The following ARRDC5 variants were observed in gnomAD, a reference collection of about 807,000 sequenced individuals.
ARRDC5 encodes the protein arrestin domain containing 5, also known as arrestin domain-containing protein 5.
A neutral mutation model predicts 13.3 loss-of-function variants in ARRDC5; 12 were observed. The observed-to-expected ratio is 0.90, with a 90% CI of 0.58 to 1.46. The LOEUF is 1.46. ARRDC5 is among the 40% of genes most tolerant of loss of function. The pLI is 0.00. For missense variants in ARRDC5, 406 were observed against 418.7 expected (o/e 0.97, Z 0.26); for synonymous variants, 181 against 173.4 (o/e 1.04, Z -0.34).
chr19:4,906,516 A>C (rs967697240), upstream of ARRDC5, among the ~76,000 whole-genome samples: 3 of 152,114 alleles, frequency 2.0e-5, no homozygotes, highest in Non-Finnish European at 4.4e-5. Flanking sequence ...CACTTTGGGA[A>C]GTCCAGGCGG....
At chr19:4,907,632 C>T (rs140092250), upstream of ARRDC5, among the ~76,000 whole-genome samples, 3 of 145,632 alleles carry the variant, frequency 2.1e-5, no homozygotes, top group East Asian at 2.1e-4. Flanking sequence ...AGGGGCAGGG[C>T]GGGTTCTAGG....
In ARRDC5 at chr19:4,890,526, GGGATTACA is replaced by G. The variant is rs2031466159; in HGVS notation, c.*512_*519del. The G allele has an allele frequency of 6.5e-6, 1 of 154,292 alleles. No individual in the cohort carries two copies. The highest frequency in any genetic ancestry group is 6.3e-5 in the Admixed American group (1 of 15,762). The allele number at this position is 154,292 out of a possible 1,614,324, so 9.6% of individuals were successfully genotyped here. On this transcript the variant is annotated 3_prime_UTR_variant, in exon 3 of 3. Transcript: ENST00000650722. ...TCCAGCCATGGCCTCCTAAAGTCCT[GGGATTACA>G]GGAATGAGCCACCATGCTCAGCCCC...
At chr19:4,893,002 C>G (rs1209155117) in intron 2 of ARRDC5, among the ~76,000 whole-genome samples, 2 of 150,184 alleles carry the variant, frequency 1.3e-5, no homozygotes, top group African/African-American at 4.9e-5. Flanking sequence ...ACTCAGGAGG[C>G]TGAGGCGGGA....
chr19:4,909,681 GCCAGC>G, the ARRDC5 span: 2 of 513,282 alleles, frequency 3.9e-6, no homozygotes. Context: ...GGGTCGGGGT[GCCAGC>G]CCGGGCCGGG....
the ARRDC5 span, among the ~76,000 whole-genome samples, chr19:4,913,700 C>T: frequency 6.6e-6 from 1 of 151,958 alleles, no homozygotes; most frequent in Non-Finnish European, 1.5e-5. Flanking sequence ...CACTGAATTT[C>T]GTCTCCCAGG....
rs1256267459 is a variant in ARRDC5 at position 4,899,323 on chromosome 19, G to C, written c.254-2447C>G. ...TGAGACTCCATCTCAAAAAAAAAAT[G>C]TTTATTAAATAAATGAAAAACCTGG... On this transcript the variant is annotated intron_variant, in intron 1 of 2. Coordinates refer to ENST00000650722, the MANE Select transcript of ARRDC5 (RefSeq NM_001080523.3). Among the ~76,000 whole-genome samples the C allele has an allele frequency of 4.0e-5, 6 of 149,134 alleles. No individual in the cohort carries two copies. In the South Asian group the frequency reaches 1.3e-3, roughly 32 times the overall value.
chr19:4,898,378 T>C (rs1461276990), intron 1 of ARRDC5, among the ~76,000 whole-genome samples: 1 of 152,108 alleles, frequency 6.6e-6, no homozygotes, highest in East Asian at 1.9e-4. Context: ...TTTTGTTTTT[T>C]TGAGACAGAA....
chr19:4,896,625 T>G, intron 2 of ARRDC5, 46 bp downstream of exon 2: 1 of 1,456,920 alleles, frequency 6.9e-7, no homozygotes, highest in Non-Finnish European at 9.6e-7. Context: ...TCTTCCTCCT[T>G]GGAGCTTGGA....
At chr19:4,896,597 C>T (rs1332693880) in intron 2 of ARRDC5, 74 bp downstream of exon 2, 2 of 1,179,492 alleles carry the variant, frequency 1.7e-6, no homozygotes, top group African/African-American at 3.0e-5. Flanking sequence ...TCTCTGTCCC[C>T]TGCCTGCCCA....
At chr19:4,910,548 C>G in the ARRDC5 span, 2 of 260,710 alleles carry the variant, frequency 7.7e-6, no homozygotes, top group East Asian at 1.3e-4. Context: ...ATAAACGAAC[C>G]AACTCGGCCA....
the ARRDC5 span, among the ~76,000 whole-genome samples, chr19:4,916,521 G>A: frequency 6.6e-5 from 10 of 152,188 alleles, no homozygotes; most frequent in African/African-American, 2.4e-4. Flanking sequence ...ACTGACCCCC[G>A]AAGTGCCGCT....
intron 2 of ARRDC5, among the ~76,000 whole-genome samples, chr19:4,893,745 A>G (rs2031596956): frequency 6.7e-6 from 1 of 148,172 alleles, no homozygotes; most frequent in Non-Finnish European, 1.5e-5. Context: ...AAAAAAAAAA[A>G]AAAACCAAAA....
intron 2 of ARRDC5, among the ~76,000 whole-genome samples, chr19:4,894,410 C>T (rs1046006165): frequency 6.9e-6 from 1 of 145,420 alleles, no homozygotes; most frequent in African/African-American, 2.5e-5. Context: ...ACTTGGGAGG[C>T]TGAGGCAGGA....
intron 2 of ARRDC5, among the ~76,000 whole-genome samples, chr19:4,895,876 CT>C (rs1284584652): frequency 1.3e-5 from 2 of 152,232 alleles, no homozygotes; most frequent in Non-Finnish European, 2.9e-5. Flanking sequence ...AGCAGCGCCC[CT>C]GGCCTCCACC....
At chr19:4,894,574 C>G (rs2031642652) in intron 2 of ARRDC5, among the ~76,000 whole-genome samples, 1 of 140,794 alleles carries the variant, frequency 7.1e-6, no homozygotes, top group African/African-American at 2.7e-5. Flanking sequence ...GTCCCAGCTA[C>G]TCGGGAGGCT....
upstream of ARRDC5, among the ~76,000 whole-genome samples, chr19:4,907,137 C>T (rs1454796407): frequency 1.3e-5 from 2 of 152,168 alleles, no homozygotes; most frequent in Non-Finnish European, 2.9e-5. Context: ...GTTGATAGAG[C>T]CTTGCTCTGT....
Position 4,891,466 on chromosome 19 carries a change from C to T in ARRDC5, c.567G>A (p.Glu189=). 6.2e-7 allele frequency: 1 copy of T among 1,613,852 alleles called. No individual in the cohort carries two copies. Among genetic ancestry groups the T allele is most frequent in the Non-Finnish European group, 8.5e-7 (1 of 1,179,896 alleles). The stretch of plus-strand genomic sequence containing the variant: ...TGATCTCTGTTGTGAAGACGACCTT[C>T]TCTCCTGGCGTGAAGGTGTTCCTTT... ...QMERNTFTPG[E]KVVFTTEINN... Residue 189 remains glutamate (E), a synonymous_variant, in exon 3 of 3, where the codon GAG becomes GAA. Transcript: ENST00000650722.
upstream of ARRDC5, among the ~76,000 whole-genome samples, chr19:4,903,845 T>G (rs1463586783): frequency 3.9e-5 from 6 of 152,150 alleles, no homozygotes; most frequent in Non-Finnish European, 8.8e-5. Flanking sequence ...ACATTTATAT[T>G]GGTCTATATT....
Position 4,896,663 on chromosome 19 carries a change from A to T in ARRDC5, c.459+8T>A. On this transcript the variant is annotated splice_region_variant and intron_variant, in intron 2 of 2. Transcript: ENST00000650722. ...TTGTTCCCACCTCCACCTTTCCCCC[A>T]TCGGTACCTGGAATGGGGTTTCTTT... 1 of 1,599,556 alleles carries T rather than the reference A, an allele frequency of 6.3e-7. No homozygotes were observed. The highest frequency in any genetic ancestry group is 8.6e-7 in the Non-Finnish European group (1 of 1,167,888).
Sources: gnomAD v4.1 joint callset for allele counts (sites outside exome capture counted in the v4.1 genomes callset) on GRCh38, gnomAD v4.1.1 for gene constraint, MANE v1.5 for transcripts, NCBI Gene and HGNC (gene_info 2026-07-23, HGNC 2026-07-21) for gene names.